Variants in TTC7B observed in about 807,000 individuals in gnomAD.
TTC7B encodes tetratricopeptide repeat domain 7B.
TTC7B carries 28 observed loss-of-function variants against 106.8 expected under a neutral mutation model. The observed-to-expected ratio is 0.26, with a 90% CI of 0.19 to 0.36. The LOEUF is 0.36. Among genes scored for constraint, TTC7B ranks in the 10% least tolerant of loss-of-function variants. The pLI is 1.00. For missense variants in TTC7B, 862 were observed against 1,076.4 expected (o/e 0.80, Z 2.79); for synonymous variants, 405 against 430.6 (o/e 0.94, Z 0.74).
At chr14:90,707,252 C>T (rs1179029376) in intron 5 of TTC7B, among the ~76,000 whole-genome samples, 1 of 152,156 alleles carries the variant, frequency 6.6e-6, no homozygotes, top group Non-Finnish European at 1.5e-5. Context: ...ACAAACCATG[C>T]CCACCTAAGA....
In TTC7B at chr14:90,533,597, G is replaced by A. The variant is rs141053177; in HGVS notation, c.*7771C>T. The A allele has an allele frequency of 6.6e-6, 1 of 152,506 alleles. No individual in the cohort carries two copies. The highest frequency in any genetic ancestry group is 1.5e-5 in the Non-Finnish European group (1 of 68,144). 9.4% of individuals were successfully genotyped at this position (152,506 alleles called of 1,614,324 possible). A position where few individuals can be genotyped will look rare whatever the true frequency, so the allele number is the denominator to read the frequency against. On this transcript the variant is annotated 3_prime_UTR_variant, in exon 20 of 20. Coordinates refer to ENST00000328459, the MANE Select transcript of TTC7B (RefSeq NM_001010854.2). ...GAAGTTACTCCCCGACCATAGAGAT[G>A]AGGAGACAGAGTGCTTCCCCATCAG...
intron 5 of TTC7B, among the ~76,000 whole-genome samples, chr14:90,728,313 C>T (rs1287440086): frequency 2.2e-5 from 2 of 91,086 alleles, no homozygotes; most frequent in African/African-American, 9.0e-5. Context: ...GCCTGGGCAA[C>T]ATAGCAAGAC....
intron 1 of TTC7B, among the ~76,000 whole-genome samples, chr14:90,803,214 A>C (rs1217800611): frequency 2.0e-5 from 3 of 151,882 alleles, no homozygotes; most frequent in Non-Finnish European, 4.4e-5. Context: ...TAAACCCTCC[A>C]GTGGTTCCAC....
intron 4 of TTC7B, among the ~76,000 whole-genome samples, chr14:90,740,894 G>T (rs1017757500): frequency 2.6e-5 from 4 of 152,176 alleles, no homozygotes; most frequent in African/African-American, 9.7e-5. Context: ...AGATTCCACA[G>T]CCAGGTGACA....
intron 5 of TTC7B, among the ~76,000 whole-genome samples, chr14:90,722,583 A>C (rs1888938797): frequency 6.6e-6 from 1 of 152,186 alleles, no homozygotes; most frequent in African/African-American, 2.4e-5. Flanking sequence ...GAAGGGGAAG[A>C]ACATTTCTAG....
chr14:90,593,626 C>A lies in TTC7B; in HGVS notation c.1967G>T (p.Gly656Val). The change falls in exon 18 of 20, where the codon GGC becomes GTC. Residue 656 changes from glycine (G) to valine (V), a missense_variant and splice_region_variant. Transcript: ENST00000328459. ...TGCTACCGATGTGGCATGGACGGAG[C>A]CTGTGAGAGGTTTTTGAGAAGACTC... is the stretch of plus-strand genomic sequence containing the variant. ...TLPDFSDPET[G>V]SVHATSVAAS... 1 of 1,592,146 alleles carries A rather than the reference C, an allele frequency of 6.3e-7. No homozygotes were observed. Among genetic ancestry groups the A allele is most frequent in the Non-Finnish European group, 8.6e-7 (1 of 1,168,196 alleles).
intron 3 of TTC7B, among the ~76,000 whole-genome samples, chr14:90,778,592 AC>A (rs1249630024): frequency 1.2e-5 from 1 of 86,902 alleles, no homozygotes; most frequent in Non-Finnish European, 1.9e-5. Flanking sequence ...GTTGCTGGCC[AC>A]ACACACACAC....
intron 17 of TTC7B, among the ~76,000 whole-genome samples, chr14:90,598,396 A>T (rs1160683369): frequency 3.3e-5 from 5 of 152,192 alleles, no homozygotes; most frequent in Admixed American, 3.3e-4. Context: ...ACAGAGGCAA[A>T]GTGCCACCTG....
chr14:90,694,930 TATA>T (rs1393116688), intron 6 of TTC7B, among the ~76,000 whole-genome samples: 16 of 19,536 alleles, frequency 8.2e-4, no homozygotes, highest in African/African-American at 2.3e-3. Flanking sequence ...TAAATATATG[TATA>T]ATATGTCACA....
In TTC7B at chr14:90,740,063, C is replaced by A. The variant is rs76159839; in HGVS notation, c.576+4729G>T. On this transcript the variant is annotated intron_variant, in intron 4 of 19. Transcript: ENST00000328459. ...TTTTAGGGGTAGTTTATCTGTTATT[C>A]CCCTTCGGAAAACAAACTATCAGAG... Among the ~76,000 whole-genome samples, 614 of 152,246 alleles carry A rather than the reference C, an allele frequency of 4.0e-3. 6 individuals carry two copies. Among genetic ancestry groups the A allele is most frequent in the African/African-American group, 0.014 (584 of 41,540 alleles).
chr14:90,680,317 CT>C (rs1566833164), intron 8 of TTC7B, among the ~76,000 whole-genome samples, 154 bp downstream of exon 8: 2 of 152,186 alleles, frequency 1.3e-5, no homozygotes, highest in Non-Finnish European at 2.9e-5. Flanking sequence ...AAACAACCCT[CT>C]TTTTAAACCT....
At chr14:90,766,483 A>G in intron 3 of TTC7B, 1 of 663,708 alleles carries the variant, frequency 1.5e-6, no homozygotes, top group South Asian at 1.7e-5. Context: ...AGAAGCCAAT[A>G]AGAAATTCTG....
intron 17 of TTC7B, chr14:90,593,837 AGCACAT>A (rs1433691328): frequency 6.8e-6 from 3 of 440,778 alleles, no homozygotes; most frequent in Non-Finnish European, 1.2e-5. Flanking sequence ...CAACAAACAG[AGCACAT>A]GCCCCCTCCA....
intron 9 of TTC7B, chr14:90,676,105 T>G (rs1375099691): frequency 6.3e-6 from 1 of 157,878 alleles, no homozygotes; most frequent in Non-Finnish European, 1.4e-5. Context: ...TGAAACGGTC[T>G]ATACCAGCTA....
intron 16 of TTC7B, among the ~76,000 whole-genome samples, chr14:90,612,260 A>T (rs1892904562): frequency 1.3e-5 from 2 of 152,224 alleles, no homozygotes; most frequent in African/African-American, 4.8e-5. Flanking sequence ...ATGTCTGTGA[A>T]CAGAAGACAA....
intron 5 of TTC7B, among the ~76,000 whole-genome samples, chr14:90,706,161 A>AT (rs59137630): frequency 0.029 from 3,753 of 128,370 alleles, 194 homozygotes; most frequent in African/African-American, 0.099. Flanking sequence ...AGCTGGAATA[A>AT]TTTTTTTTTT....
chr14:90,705,359 A>T (rs755623479), intron 5 of TTC7B, among the ~76,000 whole-genome samples: 84 of 152,112 alleles, frequency 5.5e-4, no homozygotes, highest in Non-Finnish European at 1.0e-3. Flanking sequence ...GGAATTCGTT[A>T]CTCGCAACTG....
At chr14:90,684,535 A>C (rs1418284788) in intron 7 of TTC7B, among the ~76,000 whole-genome samples, 1 of 152,218 alleles carries the variant, frequency 6.6e-6, no homozygotes, top group African/African-American at 2.4e-5. Context: ...CATAAAATGA[A>C]ATACCTCGCA....
intron 1 of TTC7B, among the ~76,000 whole-genome samples, chr14:90,799,457 G>A (rs2030109781): frequency 6.6e-6 from 1 of 152,202 alleles, no homozygotes; most frequent in Non-Finnish European, 1.5e-5. Flanking sequence ...CCAGACAGTG[G>A]TAAGAGCTGT....
Sources: allele counts gnomAD v4.1 joint callset (sites outside exome capture counted in the v4.1 genomes callset), GRCh38; gene constraint gnomAD v4.1.1; transcripts MANE v1.5; gene names NCBI Gene and HGNC (gene_info 2026-07-23, HGNC 2026-07-21).